Variants in ELMO1 observed in about 807,000 individuals in gnomAD.
ELMO1 encodes engulfment and cell motility protein 1.
ELMO1 carries 26 observed loss-of-function variants against 98.9 expected under a neutral mutation model. The ratio of observed to expected loss-of-function variants is 0.26; its 90% CI spans 0.19 to 0.36. The LOEUF is 0.36. Ranked by LOEUF, ELMO1 falls within the 10% of genes least tolerant of loss-of-function variation. The pLI is 1.00. For missense variants in ELMO1, 627 were observed against 935.2 expected (o/e 0.67, Z 4.30); for synonymous variants, 346 against 346.0 (o/e 1.00, Z 0.00).
chr7:37,070,809 A>C (rs1473587187), intron 15 of ELMO1, among the ~76,000 whole-genome samples: 2 of 152,210 alleles, frequency 1.3e-5, no homozygotes, highest in Non-Finnish European at 2.9e-5. Context: ...TAAGGGGAGC[A>C]TCTGTGATGT....
intron 18 of ELMO1, among the ~76,000 whole-genome samples, chr7:36,885,319 AAACAACAACAACAACAACAACAAC>A (rs143571798): frequency 6.7e-6 from 1 of 150,250 alleles, no homozygotes; most frequent in Non-Finnish European, 1.5e-5. Context: ...AACATTTTTT[AAACAACAACAACAACAACAACAAC>A]AACAACAACA....
At chr7:37,085,940 C>G (rs1211267006) in intron 15 of ELMO1, among the ~76,000 whole-genome samples, 1 of 152,220 alleles carries the variant, frequency 6.6e-6, no homozygotes, top group Non-Finnish European at 1.5e-5. Context: ...AAACGACATC[C>G]ACTAGCATTG....
intron 16 of ELMO1, among the ~76,000 whole-genome samples, chr7:36,922,508 T>A (rs998037184): frequency 2.0e-5 from 3 of 152,198 alleles, no homozygotes; most frequent in African/African-American, 7.2e-5. Context: ...GTCATTATAA[T>A]TAGTTTTATT....
intron 2 of ELMO1, among the ~76,000 whole-genome samples, chr7:37,340,990 T>A (rs1245648498): frequency 6.6e-6 from 1 of 152,270 alleles, no homozygotes. Context: ...TTCTGATTAG[T>A]ACTCGGGCTT....
chr7:37,167,986 T>G (rs2129728173), intron 13 of ELMO1, among the ~76,000 whole-genome samples: 1 of 152,166 alleles, frequency 6.6e-6, no homozygotes, highest in East Asian at 1.9e-4. Context: ...CAATCAGACG[T>G]AGATTTGGTC....
At chr7:37,142,176 T>C (rs1182141600) in intron 13 of ELMO1, among the ~76,000 whole-genome samples, 1 of 152,236 alleles carries the variant, frequency 6.6e-6, no homozygotes, top group Non-Finnish European at 1.5e-5. Flanking sequence ...CCAGTCTTAA[T>C]TGGAAATAAA....
intron 14 of ELMO1, among the ~76,000 whole-genome samples, chr7:37,101,199 G>C (rs1009187181): frequency 6.6e-6 from 1 of 152,194 alleles, no homozygotes; most frequent in African/African-American, 2.4e-5. Context: ...GACAGGCAGA[G>C]AGAGAGATAA....
intron 18 of ELMO1, among the ~76,000 whole-genome samples, chr7:36,883,983 T>G (rs1804697613): frequency 6.6e-6 from 1 of 152,068 alleles, no homozygotes; most frequent in Admixed American, 6.6e-5. Flanking sequence ...AGTGGAGTGA[T>G]GCAGGTGTGT....
intron 6 of ELMO1, among the ~76,000 whole-genome samples, chr7:37,246,115 T>C: frequency 6.6e-6 from 1 of 152,118 alleles, no homozygotes; most frequent in East Asian, 1.9e-4. Context: ...AACAGAGTTG[T>C]ACAAAAGTGG....
intron 14 of ELMO1, among the ~76,000 whole-genome samples, chr7:37,099,890 T>C (rs571766578): frequency 6.6e-6 from 1 of 151,754 alleles, no homozygotes; most frequent in Non-Finnish European, 1.5e-5. Context: ...TGGAGTGCAG[T>C]GGCATAATCT....
intron 15 of ELMO1, among the ~76,000 whole-genome samples, chr7:37,057,679 A>T (rs1308984924): frequency 2.6e-5 from 4 of 152,218 alleles, no homozygotes; most frequent in Admixed American, 2.6e-4. Context: ...TTCAACGCAG[A>T]TGTGTGCATG....
Position 37,050,420 on chromosome 7 carries a change from G to A in ELMO1, c.1301-36985C>T, listed in dbSNP as rs185692654. Among the ~76,000 whole-genome samples, 18 of 152,148 alleles carry A rather than the reference G, an allele frequency of 1.2e-4. No homozygotes were observed. In the East Asian group the frequency reaches 1.5e-3, roughly 13 times the overall value. On this transcript the variant is annotated intron_variant, in intron 15 of 21. Transcript: ENST00000310758. The stretch of plus-strand genomic sequence containing the variant: ...TGGCCCCCAGTTCTATTTCTTAATA[G>A]TGCAAATCATAGCCTTGAAAGAAAA...
At chr7:37,258,216 C>T (rs1486844291) in intron 6 of ELMO1, among the ~76,000 whole-genome samples, 3 of 151,850 alleles carry the variant, frequency 2.0e-5, no homozygotes, top group African/African-American at 2.4e-5. Flanking sequence ...TGCAGTGAAC[C>T]GAGATCGTCC....
intron 1 of ELMO1, chr7:37,429,879 CAG>C (rs1423841332): frequency 1.3e-5 from 2 of 152,236 alleles, no homozygotes; most frequent in Non-Finnish European, 2.9e-5. Context: ...TTACCTGGTG[CAG>C]AGTCTTTGTA....
chr7:37,187,121 A>C (rs1791253120), intron 13 of ELMO1, among the ~76,000 whole-genome samples: 1 of 152,246 alleles, frequency 6.6e-6, no homozygotes. Context: ...GAATAAAATC[A>C]GACAATAAGA....
chr7:37,397,759 A>G (rs1803359497), intron 1 of ELMO1, among the ~76,000 whole-genome samples: 1 of 152,272 alleles, frequency 6.6e-6, no homozygotes. Flanking sequence ...CCAAATGCCC[A>G]TCAACGATCG....
chr7:37,289,291 C>T (rs79023034), intron 4 of ELMO1, among the ~76,000 whole-genome samples: 3,838 of 152,312 alleles, frequency 0.025, 126 homozygotes, highest in East Asian at 0.1. Flanking sequence ...CTTTCTTTCC[C>T]TATGCTATAA....
intron 16 of ELMO1, among the ~76,000 whole-genome samples, chr7:36,928,572 C>T (rs1349933034): frequency 6.6e-6 from 1 of 152,074 alleles, no homozygotes; most frequent in Non-Finnish European, 1.5e-5. Flanking sequence ...GCAGCGACAC[C>T]CTGCAACAGA....
At chr7:37,072,841 A>G (rs886157226) in intron 15 of ELMO1, among the ~76,000 whole-genome samples, 3 of 152,222 alleles carry the variant, frequency 2.0e-5, no homozygotes, top group Admixed American at 6.5e-5. Flanking sequence ...TGGACAATAC[A>G]TATGTCAAAA....
Sources: allele counts gnomAD v4.1 joint callset (sites outside exome capture counted in the v4.1 genomes callset), GRCh38; gene constraint gnomAD v4.1.1; transcripts MANE v1.5; gene names NCBI Gene and HGNC (gene_info 2026-07-23, HGNC 2026-07-21).